Variants in PTPN13 observed in about 807,000 individuals in gnomAD.
PTPN13 encodes tyrosine-protein phosphatase non-receptor type 13.
Under a neutral mutation model 284.0 loss-of-function variants are expected in PTPN13, and 191 were observed. The observed-to-expected ratio is 0.67, with a 90% CI of 0.60 to 0.76. The LOEUF (loss-of-function observed/expected upper bound fraction) is 0.76. PTPN13 is among the 30% of genes least tolerant of loss of function. The pLI is 0.00. For synonymous variants in PTPN13, 986 were observed against 1,022.3 expected (o/e 0.96, Z 0.68); for missense variants, 2,797 against 2,939.9 (o/e 0.95, Z 1.12).
chr4:86,772,958 G>T lies in PTPN13; in HGVS notation c.5349G>T (p.Leu1783=). 1.3e-6 allele frequency: 2 copies of T among 1,558,570 alleles called. No individual in the cohort carries two copies. The highest frequency in any genetic ancestry group is 1.7e-6 in the Non-Finnish European group (2 of 1,152,892). Residue 1783 remains leucine (L), a splice_region_variant and synonymous_variant, in exon 32 of 48, where the codon CTG becomes CTT. Transcript: ENST00000411767. ...DLENHLEDFE[L]EVELLITLIK... ...AAAATCACCTTGAAGACTTTGAACT[G>T]GTAAGTTGTTTTCTCTATATTTAAA...
At chr4:86,618,917 A>G (rs1229528653) in intron 1 of PTPN13, among the ~76,000 whole-genome samples, 1 of 152,066 alleles carries the variant, frequency 6.6e-6, no homozygotes, top group African/African-American at 2.4e-5. Context: ...AATACCCTTT[A>G]TTTCCTTCTC....
intron 38 of PTPN13, 126 bp downstream of exon 38, chr4:86,784,684 G>A (rs1199304048): frequency 1.6e-6 from 1 of 633,158 alleles, no homozygotes; most frequent in Non-Finnish European, 2.7e-6. Flanking sequence ...AAGATTATTG[G>A]TCAAATAAAC....
intron 6 of PTPN13, among the ~76,000 whole-genome samples, chr4:86,697,194 A>G (rs1248479384): frequency 2.0e-5 from 3 of 152,114 alleles, no homozygotes; most frequent in Non-Finnish European, 4.4e-5. Flanking sequence ...CAGCAAAGCA[A>G]CCTTGTGATA....
chr4:86,629,724 A>C (rs1722253368), intron 1 of PTPN13, among the ~76,000 whole-genome samples: 1 of 152,074 alleles, frequency 6.6e-6, no homozygotes, highest in African/African-American at 2.4e-5. Context: ...ATTATTTTTA[A>C]ATGAACATTC....
Position 86,701,326 on chromosome 4 carries a change from T to C in PTPN13, c.720T>C (p.Ser240=). Residue 240 remains serine (S), a synonymous_variant, in exon 7 of 48, where the codon TCT becomes TCC. Transcript: ENST00000411767. ...QTFLNKGLSK[S]MGFLSIKDTQ... ...TTCTTAACAAAGGGCTTAGTAAATC[T>C]ATGGGATTTCTGTCCATCAAAGATA... 6.2e-7 allele frequency: 1 copy of C among 1,612,808 alleles called. No individual in the cohort carries two copies. Among genetic ancestry groups the C allele is most frequent in the South Asian group, 1.1e-5 (1 of 90,890 alleles).
intron 40 of PTPN13, among the ~76,000 whole-genome samples, chr4:86,787,919 CA>C: frequency 6.6e-6 from 1 of 152,240 alleles, no homozygotes; most frequent in Middle Eastern, 3.4e-3. Flanking sequence ...TAAGAGGAAA[CA>C]AATTATTAGG....
At chr4:86,780,556 A>G (rs1037778944) in intron 36 of PTPN13, 84 bp downstream of exon 36, 15 of 907,298 alleles carry the variant, frequency 1.7e-5, no homozygotes, top group African/African-American at 4.9e-5. Flanking sequence ...CAGGTTGACA[A>G]TTTCTTAAAA....
chr4:86,734,096 T>C (rs1386298980), intron 12 of PTPN13, among the ~76,000 whole-genome samples: 1 of 152,194 alleles, frequency 6.6e-6, no homozygotes, highest in Non-Finnish European at 1.5e-5. Context: ...TGTATGTCTT[T>C]AGAGCCGCCA....
At chr4:86,654,037 T>C (rs1031360515) in intron 2 of PTPN13, among the ~76,000 whole-genome samples, 5 of 152,080 alleles carry the variant, frequency 3.3e-5, no homozygotes, top group African/African-American at 1.2e-4. Context: ...TAGAGGGAAA[T>C]TTATAGCACT....
chr4:86,724,749 C>T (rs1433836109), intron 10 of PTPN13, among the ~76,000 whole-genome samples: 1 of 151,920 alleles, frequency 6.6e-6, no homozygotes, highest in Non-Finnish European at 1.5e-5. Context: ...ATCTTAACTT[C>T]TTCATACCCT....
At chr4:86,628,793 G>A (rs1378381335) in intron 1 of PTPN13, among the ~76,000 whole-genome samples, 4 of 147,322 alleles carry the variant, frequency 2.7e-5, no homozygotes, top group African/African-American at 5.0e-5. Context: ...GAGAATGATG[G>A]TTTCCAATTT....
At chr4:86,753,334 A>C (rs1181244898) in intron 20 of PTPN13, among the ~76,000 whole-genome samples, 1 of 152,148 alleles carries the variant, frequency 6.6e-6, no homozygotes, top group African/African-American at 2.4e-5. Context: ...TCTATTAAAA[A>C]GAGTTTTAAC....
At chr4:86,736,608 C>A (rs1223115891) in intron 15 of PTPN13, among the ~76,000 whole-genome samples, 2 of 152,064 alleles carry the variant, frequency 1.3e-5, no homozygotes, top group Non-Finnish European at 2.9e-5. Context: ...AAATTATGGA[C>A]TTATACTTTT....
At chr4:86,680,386 T>TA (rs1298739534) in intron 3 of PTPN13, among the ~76,000 whole-genome samples, 1 of 151,766 alleles carries the variant, frequency 6.6e-6, no homozygotes, top group African/African-American at 2.4e-5. Context: ...TCTATCTATC[T>TA]ATCTATCTAT....
Position 86,672,464 on chromosome 4 carries a change from C to A in PTPN13, c.215C>A (p.Ser72Tyr). The A allele has an allele frequency of 6.3e-7, 1 of 1,594,676 alleles. No homozygotes were observed. The highest frequency in any genetic ancestry group is 8.5e-7 in the Non-Finnish European group (1 of 1,169,826). ...GSVSFTDENI[S>Y]NQDLRAFTAP... ...GTGTCATTTACAGATGAAAATATTT[C>A]CAATCAGGATCTTCGAGCATTCACT... The change falls in exon 3 of 48, where the codon TCC becomes TAC. Residue 72 changes from serine to tyrosine, a missense_variant. Transcript: ENST00000411767.
chr4:86,728,667 T>TTTTTTTTTTTTTTTTTTTTTTTTC (rs1734589453), intron 10 of PTPN13, among the ~76,000 whole-genome samples: 1 of 115,056 alleles, frequency 8.7e-6, no homozygotes, highest in African/African-American at 3.1e-5. Flanking sequence ...TTTTTTTTTT[T>TTTTTTTTTTTTTTTTTTTTTTTTC]TTTTTTTTTT....
At chr4:86,645,308 T>C (rs1335398105) in intron 2 of PTPN13, among the ~76,000 whole-genome samples, 1 of 152,228 alleles carries the variant, frequency 6.6e-6, no homozygotes, top group Non-Finnish European at 1.5e-5. Context: ...ACTCTTCCCC[T>C]AAGATCAGGA....
chr4:86,606,198 A>G (rs1764726525), intron 1 of PTPN13, among the ~76,000 whole-genome samples: 1 of 151,932 alleles, frequency 6.6e-6, no homozygotes, highest in Admixed American at 6.6e-5. Flanking sequence ...TCTTGATCCT[A>G]AAACAAGTAT....
intron 6 of PTPN13, among the ~76,000 whole-genome samples, 185 bp downstream of exon 6, chr4:86,693,859 T>C (rs1294420767): frequency 2.6e-5 from 4 of 152,150 alleles, no homozygotes; most frequent in South Asian, 2.1e-4. Context: ...ATTAAACTTA[T>C]ACAGAAAACA....
Sources: gnomAD v4.1 joint callset for allele counts (sites outside exome capture counted in the v4.1 genomes callset) on GRCh38, gnomAD v4.1.1 for gene constraint, MANE v1.5 for transcripts, NCBI Gene and HGNC (gene_info 2026-07-23, HGNC 2026-07-21) for gene names.